Variants in LRCH1 observed in about 807,000 individuals in gnomAD.
LRCH1 encodes the protein leucine rich repeats and calponin homology domain containing 1.
In LRCH1, 23 loss-of-function variants were observed where a neutral mutation model predicts 94.9. The observed-to-expected ratio is 0.24, with a 90% CI of 0.17 to 0.34. The LOEUF (loss-of-function observed/expected upper bound fraction) is 0.34, where lower values mean the gene tolerates loss of function less well. Among genes scored for constraint, LRCH1 ranks in the 10% least tolerant of loss-of-function variants. The pLI, the probability that LRCH1 is intolerant of heterozygous loss-of-function variation, is 1.00. For synonymous variants in LRCH1, 364 were observed against 354.9 expected (o/e 1.03, Z -0.29); for missense variants, 790 against 945.9 (o/e 0.84, Z 2.16).
intron 18 of LRCH1, among the ~76,000 whole-genome samples, chr13:46,732,889 G>C (rs932944256): frequency 6.6e-6 from 1 of 152,220 alleles, no homozygotes; most frequent in African/African-American, 2.4e-5. Context: ...CGTGAGGGAC[G>C]TGACTTCCTC....
chr13:46,570,498 A>G (rs190441069), intron 1 of LRCH1, among the ~76,000 whole-genome samples: 181 of 152,340 alleles, frequency 1.2e-3, no homozygotes, highest in African/African-American at 4.0e-3. Flanking sequence ...GATAAAAATT[A>G]AACCAGGTCT....
In LRCH1 at chr13:46,734,001, A is replaced by G. The variant is rs1873243447; in HGVS notation, c.2085+3A>G. On this transcript the variant is annotated splice_donor_region_variant and intron_variant, in intron 19 of 19. Transcript: ENST00000389797. ...GCCGAAAATTAGGAGTACCAGAGGT[A>G]ACATCAAACTTACTTCATATAACTG... 4 of 1,548,834 alleles carry G rather than the reference A, an allele frequency of 2.6e-6. No individual in the cohort carries two copies. The highest frequency in any genetic ancestry group is 3.5e-6 in the Non-Finnish European group (4 of 1,127,786).
At chr13:46,715,248 C>A (rs1872263150) in intron 15 of LRCH1, among the ~76,000 whole-genome samples, 1 of 152,152 alleles carries the variant, frequency 6.6e-6, no homozygotes, top group Non-Finnish European at 1.5e-5. Context: ...GGTACTCTTT[C>A]TTTCCTCTGA....
chr13:46,557,919 G>A (rs2050083908), intron 1 of LRCH1, among the ~76,000 whole-genome samples: 1 of 152,122 alleles, frequency 6.6e-6, no homozygotes, highest in Non-Finnish European at 1.5e-5. Flanking sequence ...GGTGGCGCAT[G>A]CCTGTAGTTC....
At chr13:46,619,932 T>C (rs932053324) in intron 1 of LRCH1, among the ~76,000 whole-genome samples, 1 of 152,224 alleles carries the variant, frequency 6.6e-6, no homozygotes. Context: ...TTTTACATTT[T>C]AGTTCTTTCA....
chr13:46,553,743 G>A (rs200392857), intron 1 of LRCH1, 40 bp downstream of exon 1: 2 of 1,594,450 alleles, frequency 1.3e-6, no homozygotes, highest in African/African-American at 1.3e-5. Flanking sequence ...TGTGGGTGCT[G>A]TCTGGGTGTC....
At chr13:46,635,380 G>A (rs1297571061) in intron 1 of LRCH1, among the ~76,000 whole-genome samples, 5 of 151,768 alleles carry the variant, frequency 3.3e-5, no homozygotes, top group East Asian at 1.9e-4. Context: ...GTCTGCACTC[G>A]CTGGCTAGTC....
chr13:46,651,358 C>T (rs983297741), intron 2 of LRCH1, among the ~76,000 whole-genome samples: 2 of 152,052 alleles, frequency 1.3e-5, no homozygotes, highest in African/African-American at 4.8e-5. Flanking sequence ...GTCTTGTTTT[C>T]CTTGCAGTCA....
chr13:46,711,018 A>T (rs1345164599), intron 13 of LRCH1, among the ~76,000 whole-genome samples: 1 of 152,140 alleles, frequency 6.6e-6, no homozygotes, highest in Non-Finnish European at 1.5e-5. Flanking sequence ...CAGGCACCCC[A>T]TAAATAATAA....
At chr13:46,651,382 G>T (rs1466612947) in intron 2 of LRCH1, among the ~76,000 whole-genome samples, 1 of 152,154 alleles carries the variant, frequency 6.6e-6, no homozygotes, top group Non-Finnish European at 1.5e-5. Flanking sequence ...ATGAGTTTCT[G>T]GCCGGGTGTG....
Position 46,657,500 on chromosome 13 carries a change from C to CTTTTTTTTTTTTTTTTTTTTTTTT in LRCH1, c.452+7174_452+7197dup. ...TCATTTTTACTTTTTCTTTTCTTTT[C>CTTTTTTTTTTTTTTTTTTTTTTTT]TTTTTTTTTTTTTTTTTTTTTTTTT... On this transcript the variant is annotated intron_variant, in intron 2 of 19. Coordinates refer to ENST00000389797, the MANE Select transcript of LRCH1 (RefSeq NM_001164211.2). Among the ~76,000 whole-genome samples, 12 of 11,386 alleles carry CTTTTTTTTTTTTTTTTTTTTTTTT rather than the reference C, an allele frequency of 1.1e-3. 2 individuals are homozygous for CTTTTTTTTTTTTTTTTTTTTTTTT. The highest frequency in any genetic ancestry group is 1.6e-3 in the Non-Finnish European group (10 of 6,138). 7.5% of individuals were successfully genotyped at this position (11,386 alleles called of 152,430 possible).
At chr13:46,629,617 G>A (rs1211468738) in intron 1 of LRCH1, among the ~76,000 whole-genome samples, 1 of 152,188 alleles carries the variant, frequency 6.6e-6, no homozygotes, top group Non-Finnish European at 1.5e-5. Context: ...CTGTGGTTCT[G>A]CTGCTGGGGA....
intron 18 of LRCH1, among the ~76,000 whole-genome samples, chr13:46,733,333 T>C (rs867908656): frequency 3.9e-5 from 6 of 152,222 alleles, no homozygotes; most frequent in Admixed American, 1.3e-4. Flanking sequence ...GTCCTGAACA[T>C]CCACCATTTT....
intron 1 of LRCH1, among the ~76,000 whole-genome samples, chr13:46,608,274 G>A (rs1417625748): frequency 6.6e-6 from 1 of 152,170 alleles, no homozygotes; most frequent in African/African-American, 2.4e-5. Flanking sequence ...GTGGTGTGGA[G>A]ATGGAAGATG....
chr13:46,645,948 A>G (rs1284943321), intron 1 of LRCH1, among the ~76,000 whole-genome samples: 1 of 97,076 alleles, frequency 1.0e-5, no homozygotes, highest in Non-Finnish European at 2.2e-5. Context: ...TTTGGAATGT[A>G]AACTGGACCC....
intron 10 of LRCH1, among the ~76,000 whole-genome samples, chr13:46,700,658 T>G (rs2138179269): frequency 6.6e-6 from 1 of 152,308 alleles, no homozygotes; most frequent in East Asian, 1.9e-4. Context: ...ATGATTTTGC[T>G]GCATCTAGAG....
chr13:46,569,153 A>G (rs2050215497), intron 1 of LRCH1, among the ~76,000 whole-genome samples: 1 of 152,166 alleles, frequency 6.6e-6, no homozygotes, highest in Non-Finnish European at 1.5e-5. Flanking sequence ...AACAAGCGGC[A>G]TTTTATTTTA....
intron 1 of LRCH1, among the ~76,000 whole-genome samples, chr13:46,595,070 A>T (rs1202295501): frequency 6.6e-6 from 1 of 152,088 alleles, no homozygotes; most frequent in African/African-American, 2.4e-5. Context: ...TACCATGATG[A>T]TCATTCTGGG....
intron 1 of LRCH1, among the ~76,000 whole-genome samples, chr13:46,566,708 G>A (rs190701755): frequency 6.6e-6 from 1 of 152,342 alleles, no homozygotes; most frequent in East Asian, 1.9e-4. Context: ...AGAGACCAGA[G>A]AAGGAGATTT....
Sources: gnomAD v4.1 joint callset for allele counts (sites outside exome capture counted in the v4.1 genomes callset) on GRCh38, gnomAD v4.1.1 for gene constraint, MANE v1.5 for transcripts, NCBI Gene and HGNC (gene_info 2026-07-23, HGNC 2026-07-21) for gene names.